Variants in PRMT9 observed in about 807,000 individuals in gnomAD.
PRMT9 encodes protein arginine methyltransferase 9.
A neutral mutation model predicts 83.2 loss-of-function variants in PRMT9; 59 were observed. That is an observed-to-expected ratio of 0.71 (90% CI 0.57 to 0.88). The LOEUF (loss-of-function observed/expected upper bound fraction) is 0.88, where lower values mean the gene tolerates loss of function less well. Ranked by LOEUF, PRMT9 falls within the 40% of genes least tolerant of loss-of-function variation. PRMT9 has a pLI of 0.00. For synonymous variants in PRMT9, 333 were observed against 353.2 expected, an observed-to-expected ratio of 0.94 and a Z score of 0.64; for missense variants, 947 against 1,021.9, an observed-to-expected ratio of 0.93 and a Z score of 1.00.
chr4:147,648,086 G>C (rs957792224), intron 9 of PRMT9, among the ~76,000 whole-genome samples: 1 of 152,132 alleles, frequency 6.6e-6, no homozygotes, highest in Non-Finnish European at 1.5e-5. Context: ...ATATATATCT[G>C]GTCTTCATCT....
At chr4:147,679,343 C>T (rs1311875277) in intron 2 of PRMT9, among the ~76,000 whole-genome samples, 1 of 151,838 alleles carries the variant, frequency 6.6e-6, no homozygotes, top group Non-Finnish European at 1.5e-5. Flanking sequence ...CAGGTGGGGG[C>T]GCTGCTGAGG....
intron 10 of PRMT9, among the ~76,000 whole-genome samples, chr4:147,641,643 A>C (rs951818838): frequency 3.9e-5 from 6 of 152,070 alleles, no homozygotes; most frequent in African/African-American, 1.2e-4. Context: ...TCATAGCCCT[A>C]TTCCCCAAAT....
chr4:147,640,092 A>ATTTTTTTT lies in PRMT9; in HGVS notation c.2200-1011_2200-1010insAAAAAAAA, dbSNP rs1560962912. On this transcript the variant is annotated intron_variant, in intron 10 of 11. Coordinates refer to ENST00000322396, the MANE Select transcript of PRMT9 (RefSeq NM_138364.4). ...TTTTTTTTTTTTTTTTTTTTTTTTA[A>ATTTTTTTT]TATAGGGTCTCACTCTGTTCCCCAG... is the stretch of plus-strand genomic sequence containing the variant. 6.9e-3 allele frequency among the ~76,000 whole-genome samples: 488 copies of ATTTTTTTT among 70,378 alleles called. 169 individuals are homozygous for ATTTTTTTT. The highest frequency in any genetic ancestry group is 9.1e-3 in the Non-Finnish European group (364 of 40,050). 46.2% of individuals were successfully genotyped at this position (70,378 alleles called of 152,430 possible).
chr4:147,659,204 C>G (rs1734762640), intron 7 of PRMT9, among the ~76,000 whole-genome samples: 1 of 148,086 alleles, frequency 6.8e-6, no homozygotes, highest in Admixed American at 6.8e-5. Flanking sequence ...AGTTCGAGAC[C>G]AGCCTGGCCA....
intron 10 of PRMT9, chr4:147,639,387 T>C (rs1733230513): frequency 2.4e-5 from 7 of 294,744 alleles, no homozygotes; most frequent in Non-Finnish European, 4.5e-5. Flanking sequence ...GATTAAATTT[T>C]TTCTTAAGCC....
At chr4:147,651,646 T>C (rs767229641) in intron 9 of PRMT9, among the ~76,000 whole-genome samples, 9 of 152,156 alleles carry the variant, frequency 5.9e-5, no homozygotes, top group Non-Finnish European at 1.2e-4. Context: ...CACTAATCAT[T>C]AGTAAATCCT....
chr4:147,660,246 C>G (rs554278896), intron 7 of PRMT9, among the ~76,000 whole-genome samples: 1 of 152,272 alleles, frequency 6.6e-6, no homozygotes, highest in Admixed American at 6.5e-5. Flanking sequence ...AATTGTATGG[C>G]AGTATGTCAT....
At chr4:147,650,748 G>C (rs1168265884) in intron 9 of PRMT9, among the ~76,000 whole-genome samples, 1 of 152,166 alleles carries the variant, frequency 6.6e-6, no homozygotes, top group East Asian at 1.9e-4. Context: ...CAAAGCAACA[G>C]CAATCAAGAC....
At position 147,673,633 on chromosome 4, in the gene PRMT9, C is replaced by T. The variant is rs768658222; in HGVS notation, c.575+5G>A. ...ATATACCATTAAAATGCAATTACTA[C>T]CAACCTTAGTATTCCAGTTCCTGCT... On this transcript the variant is annotated splice_donor_5th_base_variant and intron_variant, in intron 3 of 11. Coordinates refer to ENST00000322396, the MANE Select transcript of PRMT9 (RefSeq NM_138364.4). 5.1e-6 allele frequency: 8 copies of T among 1,559,882 alleles called. No individual in the cohort carries two copies. Among genetic ancestry groups the T allele is most frequent in the Non-Finnish European group, 6.2e-6 (7 of 1,130,660 alleles).
rs1733511909 is a variant in PRMT9 at position 147,643,004 on chromosome 4, A to C, written c.2046-64T>G. On this transcript the variant is annotated intron_variant, in intron 9 of 11. Coordinates refer to ENST00000322396, the MANE Select transcript of PRMT9 (RefSeq NM_138364.4). ...CAGGGCGACAGTGGCTCACGCCTGT[A>C]ATCCTAGCACTTTGGGAGGCCAAGG... 8.7e-6 allele frequency: 13 copies of C among 1,498,954 alleles called. No individual in the cohort carries two copies. In the Admixed American group the frequency reaches 2.2e-4, roughly 25 times the overall value. 92.9% of individuals were successfully genotyped at this position (1,498,954 alleles called of 1,614,324 possible). A position where few individuals can be genotyped will look rare whatever the true frequency, so the allele number is the denominator to read the frequency against.
chr4:147,665,124 CAA>C (rs370245859), intron 6 of PRMT9, among the ~76,000 whole-genome samples: 3 of 116,662 alleles, frequency 2.6e-5, no homozygotes, highest in Admixed American at 2.0e-4. Flanking sequence ...TCTGTCTAAA[CAA>C]AAAAAAAAAA....
At chr4:147,661,688 G>A (rs1734965252) in intron 6 of PRMT9, among the ~76,000 whole-genome samples, 1 of 149,736 alleles carries the variant, frequency 6.7e-6, no homozygotes, top group Non-Finnish European at 1.5e-5. Context: ...TACTTGGAAG[G>A]CTGAGGCAGG....
At chr4:147,650,905 A>T (rs1430747329) in intron 9 of PRMT9, among the ~76,000 whole-genome samples, 1 of 152,214 alleles carries the variant, frequency 6.6e-6, no homozygotes, top group Admixed American at 6.5e-5. Flanking sequence ...GATCGAGACC[A>T]TCCTGGCTAA....
chr4:147,654,253 C>A lies in PRMT9; in HGVS notation c.1644G>T (p.Leu548=), dbSNP rs866781466. Residue 548 remains leucine, a synonymous_variant, in exon 9 of 12, where the codon CTG becomes CTT. Transcript: ENST00000322396. ...KMAMSKVLSS[L]TPEKLYQTMD... ...TGGTCTGATACAGTTTCTCTGGAGT[C>A]AGTGAAGACAAAACTTTGCTCATTG... 12 of 1,614,180 alleles carry A rather than the reference C, an allele frequency of 7.4e-6. 1 individual carries two copies. In the Middle Eastern group the frequency reaches 2.0e-3, roughly 266 times the overall value.
chr4:147,673,987 C>A, intron 2 of PRMT9, 113 bp from the exon 3 acceptor site: 1 of 835,536 alleles, frequency 1.2e-6, no homozygotes, highest in South Asian at 1.4e-5. Context: ...CACCCCAAAT[C>A]CTGCCAATCC....
At chr4:147,679,144 C>T (rs918153052) in intron 2 of PRMT9, among the ~76,000 whole-genome samples, 6 of 152,182 alleles carry the variant, frequency 3.9e-5, no homozygotes, top group African/African-American at 1.2e-4. Context: ...GTAAAAAGTG[C>T]GGAGAGGCCG....
At chr4:147,640,557 A>G (rs1733327893) in intron 10 of PRMT9, among the ~76,000 whole-genome samples, 1 of 152,110 alleles carries the variant, frequency 6.6e-6, no homozygotes, top group Non-Finnish European at 1.5e-5. Flanking sequence ...TTCAGCCCAG[A>G]GCTTTCTCTG....
intron 9 of PRMT9, among the ~76,000 whole-genome samples, chr4:147,644,348 G>C (rs1733593283): frequency 7.2e-6 from 1 of 139,764 alleles, no homozygotes; most frequent in Admixed American, 7.7e-5. Context: ...CAAAATAAAA[G>C]GTTACACACT....
chr4:147,656,771 C>CAAAAAAAAAAAAAAAAAA (rs1023416920), intron 8 of PRMT9, among the ~76,000 whole-genome samples: 5 of 47,954 alleles, frequency 1.0e-4, no homozygotes, highest in Admixed American at 3.2e-4. Flanking sequence ...GACTCTGTCT[C>CAAAAAAAAAAAAAAAAAA]AAAAAAAAAA....
Sources: gnomAD v4.1 joint callset for allele counts (sites outside exome capture counted in the v4.1 genomes callset) on GRCh38, gnomAD v4.1.1 for gene constraint, MANE v1.5 for transcripts, NCBI Gene and HGNC (gene_info 2026-07-23, HGNC 2026-07-21) for gene names.